Variants in ROBO2 observed in about 807,000 individuals in gnomAD.
The protein encoded by ROBO2 is roundabout guidance receptor 2, also known as roundabout homolog 2.
ROBO2 carries 53 observed loss-of-function variants against 160.8 expected under a neutral mutation model. That is an observed-to-expected ratio of 0.33 (90% CI 0.26 to 0.41). ROBO2 has a LOEUF of 0.41. Ranked by LOEUF, ROBO2 falls within the 10% of genes least tolerant of loss-of-function variation. The pLI, the probability that ROBO2 is intolerant of heterozygous loss-of-function variation, is 1.00. For synonymous variants in ROBO2, 664 were observed against 611.7 expected (o/e 1.09, Z -1.26); for missense variants, 1,577 against 1,722.4 (o/e 0.92, Z 1.49).
intron 14 of ROBO2, among the ~76,000 whole-genome samples, chr3:77,576,180 T>C (rs903063185): frequency 1.3e-5 from 2 of 152,122 alleles, no homozygotes; most frequent in African/African-American, 4.8e-5. Context: ...TTATTCATCA[T>C]GCCATATTTT....
intron 2 of ROBO2, among the ~76,000 whole-genome samples, chr3:76,807,733 T>C (rs1280171586): frequency 6.6e-6 from 1 of 152,094 alleles, no homozygotes; most frequent in Non-Finnish European, 1.5e-5. Flanking sequence ...TCTGATATGC[T>C]TTAGAACAAT....
At chr3:75,923,013 G>A (rs1290051995) in intron 1 of ROBO2, among the ~76,000 whole-genome samples, 1 of 152,164 alleles carries the variant, frequency 6.6e-6, no homozygotes, top group East Asian at 1.9e-4. Context: ...CAGCCTTTCA[G>A]GTATAAAGAC....
intron 2 of ROBO2, among the ~76,000 whole-genome samples, chr3:77,270,749 C>T (rs772806342): frequency 6.6e-6 from 1 of 152,076 alleles, no homozygotes; most frequent in East Asian, 1.9e-4. Flanking sequence ...TCGAGACCAG[C>T]CTGGCCAACA....
chr3:77,350,005 T>C (rs190495304), intron 2 of ROBO2, among the ~76,000 whole-genome samples: 1 of 151,990 alleles, frequency 6.6e-6, no homozygotes, highest in Admixed American at 6.6e-5. Context: ...AAAGCTTACT[T>C]TTGGAAGAAA....
At chr3:76,473,064 G>A (rs1171334552) in intron 2 of ROBO2, among the ~76,000 whole-genome samples, 2 of 152,138 alleles carry the variant, frequency 1.3e-5, no homozygotes, top group Non-Finnish European at 2.9e-5. Flanking sequence ...GAACAAAGCC[G>A]AGGAACTGTC....
intron 2 of ROBO2, among the ~76,000 whole-genome samples, chr3:76,882,282 C>T (rs540241334): frequency 1.8e-4 from 28 of 152,182 alleles, no homozygotes; most frequent in African/African-American, 6.7e-4. Context: ...TTCAACAGTA[C>T]AAATTCTCGC....
chr3:77,627,506 A>G (rs1393747433), intron 23 of ROBO2, among the ~76,000 whole-genome samples: 5 of 152,060 alleles, frequency 3.3e-5, no homozygotes, highest in African/African-American at 1.2e-4. Context: ...GCTGTTCTCA[A>G]ACTCGTGACC....
intron 2 of ROBO2, among the ~76,000 whole-genome samples, chr3:76,843,992 A>G (rs1465418426): frequency 6.6e-6 from 1 of 152,016 alleles, no homozygotes; most frequent in Non-Finnish European, 1.5e-5. Context: ...TATCATTATT[A>G]CATATTTGAG....
intron 5 of ROBO2, among the ~76,000 whole-genome samples, chr3:77,505,133 T>C (rs1342622222): frequency 6.6e-6 from 1 of 152,166 alleles, no homozygotes; most frequent in Non-Finnish European, 1.5e-5. Flanking sequence ...TGGGGATTAA[T>C]TGAAGCACAT....
intron 2 of ROBO2, among the ~76,000 whole-genome samples, chr3:77,414,430 A>G (rs1453532102): frequency 6.6e-6 from 1 of 152,248 alleles, no homozygotes; most frequent in African/African-American, 2.4e-5. Context: ...TGAGGAATAT[A>G]TGGAGAGAAA....
chr3:77,561,288 G>A (rs1352919782), intron 9 of ROBO2, among the ~76,000 whole-genome samples: 2 of 152,122 alleles, frequency 1.3e-5, no homozygotes, highest in African/African-American at 4.8e-5. Flanking sequence ...TCAACAATTA[G>A]ACTGATGTTC....
At chr3:76,001,205 TCTC>T (rs2065877639) in intron 2 of ROBO2, among the ~76,000 whole-genome samples, 1 of 152,238 alleles carries the variant, frequency 6.6e-6, no homozygotes, top group South Asian at 2.1e-4. Flanking sequence ...GAATCAATCA[TCTC>T]CTACCTGAAC....
At position 76,353,268 on chromosome 3, in the gene ROBO2, A is replaced by G. The variant is rs150387759; in HGVS notation, c.109+415666A>G. ...AGAATGAGCGAGAGAGTTTTATGTC[A>G]TGCTTTATGGTACAATATGGTTTTG... On this transcript the variant is annotated intron_variant, in intron 2 of 26. Transcript: ENST00000487694. Among the ~76,000 whole-genome samples, 10 of 152,092 alleles carry G rather than the reference A, an allele frequency of 6.6e-5. No homozygotes were observed. In the East Asian group the frequency reaches 1.9e-3, roughly 30 times the overall value.
intron 2 of ROBO2, among the ~76,000 whole-genome samples, chr3:76,953,839 T>C (rs1170702940): frequency 6.1e-4 from 93 of 152,306 alleles, no homozygotes; most frequent in Non-Finnish European, 2.8e-4. Flanking sequence ...TGTGTGTGTG[T>C]GTGTGCCCAC....
At chr3:76,284,045 T>C (rs35861452) in intron 2 of ROBO2, among the ~76,000 whole-genome samples, 28,657 of 151,914 alleles carry the variant, frequency 0.19, 4,401 homozygotes, top group East Asian at 0.41. Context: ...CCATTCTAAT[T>C]GCAGTGGCTT....
At chr3:76,484,500 C>A (rs1443919616) in intron 2 of ROBO2, among the ~76,000 whole-genome samples, 1 of 152,130 alleles carries the variant, frequency 6.6e-6, no homozygotes, top group Admixed American at 6.6e-5. Context: ...GAAAGCTCAA[C>A]AGAATGCAGG....
At chr3:76,267,201 A>G (rs1707151599) in intron 2 of ROBO2, among the ~76,000 whole-genome samples, 1 of 152,208 alleles carries the variant, frequency 6.6e-6, no homozygotes, top group African/African-American at 2.4e-5. Context: ...CCTATTAGTC[A>G]AACCATCTCT....
chr3:76,538,735 C>T (rs1226921895), intron 2 of ROBO2, among the ~76,000 whole-genome samples: 4 of 152,148 alleles, frequency 2.6e-5, no homozygotes, highest in African/African-American at 4.8e-5. Flanking sequence ...GCCTTGCCTC[C>T]GTCCCTCCCT....
intron 2 of ROBO2, among the ~76,000 whole-genome samples, chr3:76,666,384 C>T (rs1208648592): frequency 6.6e-6 from 1 of 152,026 alleles, no homozygotes; most frequent in Non-Finnish European, 1.5e-5. Context: ...GACCCAAATG[C>T]TCTGCCTGAT....
Sources: allele counts gnomAD v4.1 joint callset (sites outside exome capture counted in the v4.1 genomes callset), GRCh38; gene constraint gnomAD v4.1.1; transcripts MANE v1.5; gene names NCBI Gene and HGNC (gene_info 2026-07-23, HGNC 2026-07-21).